DPP6: variants seen among roughly 807,000 people sequenced by gnomAD.
The protein encoded by DPP6 is A-type potassium channel modulatory protein DPP6.
A neutral mutation model predicts 122.6 loss-of-function variants in DPP6; 69 were observed. The observed-to-expected ratio is 0.56, with a 90% CI of 0.46 to 0.69. The LOEUF (loss-of-function observed/expected upper bound fraction) is 0.69. DPP6 is among the 30% of genes least tolerant of loss of function. The pLI is 0.00. For missense variants in DPP6, 928 were observed against 1,116.9 expected, an observed-to-expected ratio of 0.83 and a Z score of 2.41; for synonymous variants, 418 against 433.1, an observed-to-expected ratio of 0.97 and a Z score of 0.43.
At chr7:154,240,010 A>T (rs1801482912) in intron 1 of DPP6, among the ~76,000 whole-genome samples, 4 of 19,334 alleles carry the variant, frequency 2.1e-4, no homozygotes, top group Admixed American at 1.7e-3. Flanking sequence ...AAAAAAAAAA[A>T]AAAAAAAAAA....
chr7:153,960,231 T>G (rs1795275689), intron 1 of DPP6, among the ~76,000 whole-genome samples: 2 of 152,140 alleles, frequency 1.3e-5, no homozygotes, highest in Admixed American at 1.3e-4. Context: ...GACTCTTACT[T>G]TCATAAAAGG....
Position 154,817,585 on chromosome 7 carries a change from C to T in DPP6, c.1666+10473C>T, listed in dbSNP as rs76991463. ...GGCACATCATGAGTGATCGATGTTA[C>T]GAATATCATGAGTGATCGATTGATG... On this transcript the variant is annotated intron_variant, in intron 16 of 25. Transcript: ENST00000377770. 5.1e-3 allele frequency among the ~76,000 whole-genome samples: 778 copies of T among 151,950 alleles called. 4 individuals are homozygous for T. The highest frequency in any genetic ancestry group is 9.1e-3 in the Non-Finnish European group (616 of 67,976).
intron 1 of DPP6, among the ~76,000 whole-genome samples, chr7:154,013,515 A>G (rs1798255813): frequency 6.6e-6 from 1 of 151,512 alleles, no homozygotes; most frequent in Admixed American, 6.6e-5. Flanking sequence ...AAAAAAAACA[A>G]CATACAACCA....
At chr7:154,684,983 C>T (rs1476412776) in intron 7 of DPP6, among the ~76,000 whole-genome samples, 3 of 152,174 alleles carry the variant, frequency 2.0e-5, no homozygotes, top group Non-Finnish European at 2.9e-5. Context: ...CTACAAAAGA[C>T]TCAGAATAAT....
intron 2 of DPP6, among the ~76,000 whole-genome samples, chr7:154,463,362 C>T (rs987335134): frequency 6.6e-6 from 1 of 151,810 alleles, no homozygotes; most frequent in Non-Finnish European, 1.5e-5. Flanking sequence ...CGCGCGCCAC[C>T]ACGCCCGGCT....
At chr7:154,166,420 G>A (rs1797251367) in intron 1 of DPP6, among the ~76,000 whole-genome samples, 1 of 152,132 alleles carries the variant, frequency 6.6e-6, no homozygotes, top group African/African-American at 2.4e-5. Context: ...CATTGCGGGA[G>A]CACTGTGCAT....
intron 1 of DPP6, among the ~76,000 whole-genome samples, chr7:154,159,191 C>G (rs560926822): frequency 5.7e-4 from 87 of 152,286 alleles, no homozygotes; most frequent in African/African-American, 1.9e-3. Flanking sequence ...CTCCCATCCC[C>G]GAGCCCCTGC....
chr7:154,866,301 G>A (rs114307297), intron 17 of DPP6, among the ~76,000 whole-genome samples: 2 of 152,252 alleles, frequency 1.3e-5, no homozygotes, highest in African/African-American at 2.4e-5. Context: ...TCTCACCTGA[G>A]TGTGTGCCTG....
At chr7:154,600,511 C>T (rs1833366666) in intron 5 of DPP6, among the ~76,000 whole-genome samples, 2 of 120,698 alleles carry the variant, frequency 1.7e-5, no homozygotes, top group African/African-American at 5.3e-5. Context: ...TAATAGGTGC[C>T]AGGCACCATG....
At chr7:154,442,733 A>G (rs1819498491) in intron 1 of DPP6, among the ~76,000 whole-genome samples, 1 of 152,142 alleles carries the variant, frequency 6.6e-6, no homozygotes, top group Non-Finnish European at 1.5e-5. Context: ...ATACATAAAT[A>G]TATCCCGACA....
chr7:154,462,525 T>A (rs1325608570), intron 2 of DPP6, among the ~76,000 whole-genome samples: 1 of 152,178 alleles, frequency 6.6e-6, no homozygotes, highest in Non-Finnish European at 1.5e-5. Flanking sequence ...TTATGTCTGC[T>A]TCCATTTCTT....
At chr7:153,872,811 T>G in the DPP6 span, among the ~76,000 whole-genome samples, 1 of 152,222 alleles carries the variant, frequency 6.6e-6, no homozygotes, top group African/African-American at 2.4e-5. Context: ...TGTCTCTCTA[T>G]TTGTAAAGAA....
intron 1 of DPP6, among the ~76,000 whole-genome samples, chr7:153,969,973 C>G (rs543416102): frequency 1.3e-5 from 2 of 152,024 alleles, no homozygotes; most frequent in Non-Finnish European, 2.9e-5. Context: ...CAGTACAATA[C>G]CTTCAAGATT....
At chr7:154,166,412 T>TTGCGGGAGCAC (rs1797250777) in intron 1 of DPP6, among the ~76,000 whole-genome samples, 1 of 152,054 alleles carries the variant, frequency 6.6e-6, no homozygotes, top group Non-Finnish European at 1.5e-5. Context: ...CAAGGGAGCA[T>TTGCGGGAGCAC]TGCGGGAGCA....
At chr7:154,154,575 C>T (rs1006185709) in intron 1 of DPP6, among the ~76,000 whole-genome samples, 1 of 152,212 alleles carries the variant, frequency 6.6e-6, no homozygotes, top group Non-Finnish European at 1.5e-5. Flanking sequence ...CACAGTATTA[C>T]CACATTGTTA....
intron 1 of DPP6, among the ~76,000 whole-genome samples, chr7:154,407,132 C>T (rs1816184098): frequency 6.6e-6 from 1 of 152,202 alleles, no homozygotes; most frequent in African/African-American, 2.4e-5. Flanking sequence ...CTCTGGGTAG[C>T]AGACCCCATC....
chr7:154,511,356 G>A (rs935548937), intron 3 of DPP6, among the ~76,000 whole-genome samples: 23 of 152,134 alleles, frequency 1.5e-4, no homozygotes, highest in African/African-American at 5.6e-4. Context: ...CTGTAGACAG[G>A]ATGAACACCA....
At chr7:154,360,653 G>A (rs1383803677) in intron 1 of DPP6, among the ~76,000 whole-genome samples, 1 of 152,224 alleles carries the variant, frequency 6.6e-6, no homozygotes, top group Non-Finnish European at 1.5e-5. Flanking sequence ...GTTGGCTTGT[G>A]TTAGGTTAGA....
chr7:154,419,889 C>T (rs912828189), intron 1 of DPP6, among the ~76,000 whole-genome samples: 2 of 152,164 alleles, frequency 1.3e-5, no homozygotes, highest in African/African-American at 4.8e-5. Flanking sequence ...ACACCAGCAC[C>T]CCCATGCCCA....
Sources: allele counts gnomAD v4.1 joint callset (sites outside exome capture counted in the v4.1 genomes callset), GRCh38; gene constraint gnomAD v4.1.1; transcripts MANE v1.5; gene names NCBI Gene and HGNC (gene_info 2026-07-23, HGNC 2026-07-21).